The following SERPINB6 variants were observed in gnomAD, a reference collection of about 807,000 sequenced individuals.
SERPINB6 encodes the protein serpin family B member 6, also known as serpin B6.
SERPINB6 carries 16 observed loss-of-function variants against 26.1 expected under a neutral mutation model. The observed-to-expected ratio is 0.61, with a 90% CI of 0.42 to 0.93. SERPINB6 has a LOEUF of 0.93. Ranked by LOEUF, SERPINB6 falls within the 40% of genes least tolerant of loss-of-function variation. The pLI, the probability that SERPINB6 is intolerant of heterozygous loss-of-function variation, is 0.00. For missense variants in SERPINB6, 420 were observed against 478.0 expected (o/e 0.88, Z 1.13); for synonymous variants, 174 against 176.6 (o/e 0.99, Z 0.11).
At position 2,948,721 on chromosome 6, in the gene SERPINB6, C is replaced by CT. The variant is rs146749087; in HGVS notation, c.730-23dup. 2 of 1,612,918 alleles carry CT rather than the reference C, an allele frequency of 1.2e-6. No homozygotes were observed. Among genetic ancestry groups the CT allele is most frequent in the Non-Finnish European group, 1.7e-6 (2 of 1,178,928 alleles). On this transcript the variant is annotated intron_variant, in intron 6 of 6. Coordinates refer to ENST00000380539, the MANE Select transcript of SERPINB6 (RefSeq NM_004568.6). This position sits in a 1 kb window ranked among gnomAD's most constrained non-coding sequence, Gnocchi z 5.0. ...CCACCTAGAGGGAGACAGTTGAAGA[C>CT]TTTAAGACCCAGGGTGCTGCTGCCC...
chr6:2,969,739 T>C, intron 1 of SERPINB6: 1 of 984,002 alleles, frequency 1.0e-6, no homozygotes. Flanking sequence ...ACTTCCTGCT[T>C]TGTCCCTCTG....
chr6:2,961,977 C>T (rs1771163680), intron 1 of SERPINB6: 9 of 985,062 alleles, frequency 9.1e-6, no homozygotes, highest in Non-Finnish European at 1.1e-5. Context: ...CTTCCTGCCT[C>T]AGCCTCCCAA....
At chr6:2,964,837 A>G (rs116202279) in intron 1 of SERPINB6, among the ~76,000 whole-genome samples, 2 of 152,116 alleles carry the variant, frequency 1.3e-5, no homozygotes, top group Admixed American at 1.3e-4. Flanking sequence ...TATTTTATGT[A>G]TGTATTTATT....
At chr6:2,950,714 C>G (rs917904567) in intron 5 of SERPINB6, among the ~76,000 whole-genome samples, 5 of 152,206 alleles carry the variant, frequency 3.3e-5, no homozygotes, top group African/African-American at 1.2e-4. Context: ...GGAACCACAC[C>G]CCATCCAACA....
chr6:2,958,133 T>A (rs1216106595), intron 2 of SERPINB6: 1 of 152,238 alleles, frequency 6.6e-6, no homozygotes, highest in East Asian at 1.9e-4. Context: ...GCCATTAGGT[T>A]GGGCTTTAAT....
intron 5 of SERPINB6, among the ~76,000 whole-genome samples, chr6:2,952,097 G>A (rs1205215733): frequency 6.6e-6 from 1 of 152,166 alleles, no homozygotes; most frequent in Non-Finnish European, 1.5e-5. Flanking sequence ...ATGGTGAACC[G>A]GGGTTTCTGT....
intron 5 of SERPINB6, among the ~76,000 whole-genome samples, chr6:2,950,672 C>T (rs1769687301): frequency 6.6e-6 from 1 of 152,180 alleles, no homozygotes; most frequent in Admixed American, 6.5e-5. Context: ...GGTCACCAAC[C>T]CCAGCCAGCC....
At chr6:2,949,816 T>G (rs1769574328) in intron 5 of SERPINB6, among the ~76,000 whole-genome samples, 1 of 152,158 alleles carries the variant, frequency 6.6e-6, no homozygotes, top group Non-Finnish European at 1.5e-5. Flanking sequence ...CTAAAAAGCC[T>G]GGAATTGTGA....
chr6:2,965,350 A>G (rs1245507390), intron 1 of SERPINB6, among the ~76,000 whole-genome samples: 2 of 152,248 alleles, frequency 1.3e-5, no homozygotes, highest in Admixed American at 1.3e-4. Flanking sequence ...CGCCGAAGAG[A>G]AATGTTCATA....
chr6:2,958,844 G>A (rs1376787850), intron 2 of SERPINB6, among the ~76,000 whole-genome samples: 1 of 152,064 alleles, frequency 6.6e-6, no homozygotes. Flanking sequence ...ACAAGCAGAT[G>A]ACAGTACCCA....
At chr6:2,951,623 TTA>T (rs1769822818) in intron 5 of SERPINB6, among the ~76,000 whole-genome samples, 1 of 152,094 alleles carries the variant, frequency 6.6e-6, no homozygotes, top group South Asian at 2.1e-4. Context: ...AAGTTCCAGT[TTA>T]TATAGAAGGT....
At chr6:2,970,464 A>G in intron 1 of SERPINB6, 2 of 1,103,836 alleles carry the variant, frequency 1.8e-6, no homozygotes, top group Non-Finnish European at 2.2e-6. Context: ...CACACATAAA[A>G]GCCCCAGCAA....
chr6:2,955,208 A>AAAC (rs1554102187), intron 3 of SERPINB6: 1 of 349,314 alleles, frequency 2.9e-6, no homozygotes, highest in African/African-American at 2.1e-5. Flanking sequence ...AAAAACAAAA[A>AAAC]AAAAAAAGCA....
intron 1 of SERPINB6, among the ~76,000 whole-genome samples, chr6:2,964,205 A>G (rs1170306218): frequency 6.6e-6 from 1 of 152,238 alleles, no homozygotes; most frequent in Non-Finnish European, 1.5e-5. Context: ...ATAAAAGTAA[A>G]ATACAATAAA....
At chr6:2,954,547 G>T in intron 4 of SERPINB6, 45 bp downstream of exon 4, 1 of 1,407,128 alleles carries the variant, frequency 7.1e-7, no homozygotes. Flanking sequence ...ACAATAAAAT[G>T]GATTAAGAGG....
chr6:2,970,958 C>T (rs910876291), intron 1 of SERPINB6: 1 of 1,224,420 alleles, frequency 8.2e-7, no homozygotes, highest in Non-Finnish European at 1.0e-6. Flanking sequence ...AGTGAACACA[C>T]GCAGGGGGCC....
At chr6:2,963,301 A>G (rs1283571834) in intron 1 of SERPINB6, 1 of 152,260 alleles carries the variant, frequency 6.6e-6, no homozygotes, top group African/African-American at 2.4e-5. Context: ...ACTATGTGCT[A>G]GGTCCACACT....
intron 1 of SERPINB6, chr6:2,961,773 AGAC>A: frequency 1.0e-6 from 1 of 971,578 alleles, no homozygotes; most frequent in Non-Finnish European, 1.2e-6. Flanking sequence ...CAAAAAAAAA[AGAC>A]AGAGGTTAAG....
In SERPINB6 at chr6:2,969,203, G is replaced by A. The variant is rs112388639; in HGVS notation, c.-11+2330C>T. 8.1e-6 allele frequency: 8 copies of A among 986,820 alleles called. No homozygotes were observed. The African/African-American group carries it at 8.7e-5, about 11-fold the overall frequency. 61.1% of individuals were successfully genotyped at this position (986,820 alleles called of 1,614,324 possible). A position where few individuals can be genotyped will look rare whatever the true frequency, so the allele number is the denominator to read the frequency against. ...CAATCTAGTGAGATTTTTCTATCGA[G>A]GGCTTTCTGTTATCCTTTCAGCAAA... is the stretch of plus-strand genomic sequence containing the variant. On this transcript the variant is annotated intron_variant, in intron 1 of 6. Transcript: ENST00000380539.
Sources: gnomAD v4.1 joint callset for allele counts (sites outside exome capture counted in the v4.1 genomes callset) on GRCh38, gnomAD v4.1.1 for gene constraint, Gnocchi (gnomAD v3.1) non-coding constraint, MANE v1.5 for transcripts, NCBI Gene and HGNC (gene_info 2026-07-23, HGNC 2026-07-21) for gene names.